Variants in MPHOSPH9 observed in about 807,000 individuals in gnomAD.
MPHOSPH9 encodes the protein M-phase phosphoprotein 9.
Under a neutral mutation model 145.5 loss-of-function variants are expected in MPHOSPH9, and 88 were observed. The observed-to-expected ratio is 0.60, with a 90% CI of 0.51 to 0.72. The LOEUF is 0.72. MPHOSPH9 is among the 30% of genes least tolerant of loss of function. MPHOSPH9 has a pLI of 0.00. For missense variants in MPHOSPH9, 1,238 were observed against 1,386.6 expected, an observed-to-expected ratio of 0.89 and a Z score of 1.70; for synonymous variants, 435 against 486.2, an observed-to-expected ratio of 0.89 and a Z score of 1.39.
chr12:123,188,486 G>T (rs2045544963), intron 13 of MPHOSPH9, among the ~76,000 whole-genome samples: 1 of 152,152 alleles, frequency 6.6e-6, no homozygotes, highest in Admixed American at 6.6e-5. Flanking sequence ...ACCTTGCTGT[G>T]TTCCATTAAG....
Position 123,172,680 on chromosome 12 carries a change from T to C in MPHOSPH9, c.2456+4008A>G, listed in dbSNP as rs191332366. On this transcript the variant is annotated intron_variant, in intron 16 of 23. Transcript: ENST00000606320. ...ATGAAATATTCTTTTTTCCCAAACA[T>C]GTAAGAATGTAGAAACCATTCTTTA... is the stretch of plus-strand genomic sequence containing the variant. Among the ~76,000 whole-genome samples, 1,260 of 152,174 alleles carry C rather than the reference T, an allele frequency of 8.3e-3. 15 individuals carry two copies. The highest frequency in any genetic ancestry group is 0.036 in the South Asian group (172 of 4,820).
At chr12:123,187,521 A>G (rs1000624362) in intron 13 of MPHOSPH9, among the ~76,000 whole-genome samples, 2 of 152,204 alleles carry the variant, frequency 1.3e-5, no homozygotes, top group African/African-American at 4.8e-5. Flanking sequence ...TATTTGTATG[A>G]AACAAAACAA....
In MPHOSPH9 at chr12:123,227,485, G is replaced by T; in HGVS notation, c.236C>A (p.Ser79Ter). The T allele has an allele frequency of 6.7e-7, 1 of 1,497,908 alleles. No homozygotes were observed. The highest frequency in any genetic ancestry group is 8.9e-7 in the Non-Finnish European group (1 of 1,128,414). 92.8% of individuals were successfully genotyped at this position (1,497,908 alleles called of 1,614,324 possible). ...QELQNSGKTD[S>*]ELWKNCETRW... ...TACCTCACAGTTTTTCCAAAGTTCCGAATCAGTCTTTCCACTGTTTTGTAG... is the reference window on the plus strand; with the variant it reads ...TACCTCACAGTTTTTCCAAAGTTCCTAATCAGTCTTTCCACTGTTTTGTAG... The change falls in exon 3 of 24, where the codon TCG becomes TAG. Residue 79 changes from serine (S) to a stop codon, truncating the protein, a stop_gained. Transcript: ENST00000606320. LOFTEE classifies it high-confidence loss of function.
chr12:123,199,461 T>A (rs1216928216), intron 11 of MPHOSPH9, among the ~76,000 whole-genome samples: 1 of 152,182 alleles, frequency 6.6e-6, no homozygotes, highest in African/African-American at 2.4e-5. Flanking sequence ...GTTTCGTTTA[T>A]CCTCACAATT....
intron 8 of MPHOSPH9, among the ~76,000 whole-genome samples, chr12:123,206,302 CA>C (rs56381254): frequency 4.1e-5 from 6 of 147,206 alleles, no homozygotes; most frequent in African/African-American, 1.0e-4. Context: ...AACAAACAAA[CA>C]AAAAAAAAAT....
intron 3 of MPHOSPH9, among the ~76,000 whole-genome samples, chr12:123,225,637 T>C (rs923781701): frequency 2.6e-5 from 4 of 152,124 alleles, no homozygotes; most frequent in African/African-American, 9.7e-5. Context: ...GGTTGATTTC[T>C]AATTATCAAA....
rs1371789931 is a variant in MPHOSPH9 at position 123,159,748 on chromosome 12, C to A, written c.3450+1033G>T. The A allele has an allele frequency of 6.6e-6, 1 of 152,148 alleles. No homozygotes were observed. Among genetic ancestry groups the A allele is most frequent in the African/African-American group, 2.4e-5 (1 of 41,416 alleles). The allele number at this position is 152,148 out of a possible 1,614,324, so 9.4% of individuals were successfully genotyped here. A position where few individuals can be genotyped will look rare whatever the true frequency, so the allele number is the denominator to read the frequency against. ...TTATGATATCCAAAATTAGAAGCAA[C>A]CCAAATTTCTACTAAAACATTCTTG... On this transcript the variant is annotated intron_variant, in intron 23 of 23. Transcript: ENST00000606320. This position sits in a 1 kb window ranked among gnomAD's most constrained non-coding sequence, Gnocchi z 4.3.
At chr12:123,184,714 G>A (rs940516773) in intron 13 of MPHOSPH9, among the ~76,000 whole-genome samples, 18 of 151,856 alleles carry the variant, frequency 1.2e-4, no homozygotes, top group Non-Finnish European at 2.4e-4. Flanking sequence ...TAGCAAGGAC[G>A]GTCTCCATCT....
chr12:123,182,091 C>A (rs141945935), intron 13 of MPHOSPH9, among the ~76,000 whole-genome samples: 1 of 151,726 alleles, frequency 6.6e-6, no homozygotes, highest in African/African-American at 2.4e-5. Flanking sequence ...CAGGCGCACG[C>A]CACCATGCCC....
chr12:123,220,694 T>G (rs1388993351), intron 5 of MPHOSPH9, among the ~76,000 whole-genome samples: 1 of 152,084 alleles, frequency 6.6e-6, no homozygotes, highest in Non-Finnish European at 1.5e-5. Flanking sequence ...AATTTTAGGC[T>G]ACAGTGAGCT....
At chr12:123,217,976 C>T (rs1007122360) in intron 6 of MPHOSPH9, among the ~76,000 whole-genome samples, 3 of 149,940 alleles carry the variant, frequency 2.0e-5, no homozygotes, top group Non-Finnish European at 4.4e-5. Context: ...ACCCGGGAGG[C>T]GGAGCTTGCA....
In MPHOSPH9 at chr12:123,210,095, C is replaced by A. The variant is rs150971924; in HGVS notation, c.1155G>T (p.Thr385=). 30 of 1,611,452 alleles carry A rather than the reference C, an allele frequency of 1.9e-5. No individual in the cohort carries two copies. Among genetic ancestry groups the A allele is most frequent in the Non-Finnish European group, 2.5e-5 (29 of 1,178,872 alleles). Residue 385 remains threonine, a synonymous_variant, in exon 8 of 24, where the codon ACG becomes ACT. Coordinates refer to ENST00000606320, the MANE Select transcript of MPHOSPH9 (RefSeq NM_022782.4). ...HHSLPETLEK[T]FISLSSTDVS... is the part of the protein sequence containing the mutation. ...CATCTGTGGAAGACAATGATATGAA[C>A]GTCTTCTCTAAAGTTTCAGGCAAAG...
At chr12:123,205,126 A>G (rs947921260) in intron 8 of MPHOSPH9, among the ~76,000 whole-genome samples, 17 of 152,248 alleles carry the variant, frequency 1.1e-4, no homozygotes, top group African/African-American at 3.9e-4. Context: ...CACTGAAAGA[A>G]CACATTAATC....
intron 15 of MPHOSPH9, among the ~76,000 whole-genome samples, chr12:123,177,598 A>C (rs1334812279): frequency 6.6e-6 from 1 of 152,152 alleles, no homozygotes; most frequent in Non-Finnish European, 1.5e-5. Flanking sequence ...AAAAACAAAT[A>C]CATTAAAACT....
intron 1 of MPHOSPH9, among the ~76,000 whole-genome samples, chr12:123,242,721 C>G (rs886395840): frequency 6.6e-6 from 1 of 152,178 alleles, no homozygotes; most frequent in African/African-American, 2.4e-5. Context: ...GGTAGAGATT[C>G]AAACAGTGGA....
intron 16 of MPHOSPH9, among the ~76,000 whole-genome samples, chr12:123,172,130 T>A (rs577677180): frequency 2.6e-5 from 4 of 152,210 alleles, no homozygotes; most frequent in Admixed American, 2.0e-4. Context: ...TTAATCCACG[T>A]TGACCGTCTA....
chr12:123,162,886 G>T, intron 20 of MPHOSPH9, 128 bp downstream of exon 20: 2 of 877,572 alleles, frequency 2.3e-6, no homozygotes, highest in East Asian at 3.1e-5. Flanking sequence ...ATTCACTTAT[G>T]ATTTAAATGA....
intron 8 of MPHOSPH9, among the ~76,000 whole-genome samples, chr12:123,208,864 T>C (rs1310683923): frequency 6.6e-6 from 1 of 151,916 alleles, no homozygotes; most frequent in East Asian, 1.9e-4. Flanking sequence ...GGATTACAGG[T>C]GTAAACTATG....
chr12:123,233,874 G>A (rs2047778843), upstream of MPHOSPH9: 1 of 152,644 alleles, frequency 6.6e-6, no homozygotes, highest in Non-Finnish European at 1.5e-5. Context: ...TGAGCGGAAT[G>A]GAGCTGTGAG....
Sources: allele counts gnomAD v4.1 joint callset (sites outside exome capture counted in the v4.1 genomes callset), GRCh38; gene constraint gnomAD v4.1.1; non-coding constraint Gnocchi (gnomAD v3.1); transcripts MANE v1.5; gene names NCBI Gene and HGNC (gene_info 2026-07-23, HGNC 2026-07-21).